The following SAMSN1 variants were observed in gnomAD, a reference collection of about 807,000 sequenced individuals.
SAMSN1 encodes SAM domain-containing protein SAMSN-1.
SAMSN1 carries 31 observed loss-of-function variants against 42.0 expected under a neutral mutation model. The observed-to-expected ratio is 0.74, with a 90% CI of 0.55 to 1.00. The LOEUF is 1.00. SAMSN1 is among the 50% of genes least tolerant of loss of function. The probability of loss-of-function intolerance (pLI) is 0.00; values close to 1 mark genes in which losing one functional copy is unlikely to be tolerated. For missense variants in SAMSN1, 464 were observed against 439.4 expected (o/e 1.06, Z -0.50); for synonymous variants, 178 against 151.9 (o/e 1.17, Z -1.26).
chr21:14,544,563 C>G (rs1286358562), intron 1 of SAMSN1, among the ~76,000 whole-genome samples: 2 of 152,146 alleles, frequency 1.3e-5, no homozygotes, highest in Non-Finnish European at 2.9e-5. Flanking sequence ...AACCATCTGT[C>G]TAATGAAAAT....
At chr21:14,507,071 C>T (rs1047631198) in intron 5 of SAMSN1, among the ~76,000 whole-genome samples, 1 of 152,116 alleles carries the variant, frequency 6.6e-6, no homozygotes, top group African/African-American at 2.4e-5. Context: ...TATGACAAAC[C>T]CACAGTCAAC....
intron 2 of SAMSN1, among the ~76,000 whole-genome samples, chr21:14,576,440 A>G (rs1431436144): frequency 6.6e-6 from 1 of 152,196 alleles, no homozygotes; most frequent in Non-Finnish European, 1.5e-5. Flanking sequence ...TCTGTCTCCC[A>G]GAGACCTCTG....
chr21:14,521,275 C>T (rs1338111666), intron 1 of SAMSN1, 54 bp from the exon 2 acceptor site: 3 of 1,163,682 alleles, frequency 2.6e-6, no homozygotes, highest in Non-Finnish European at 3.8e-6. Flanking sequence ...TTTCACTGTC[C>T]AAACTGATAA....
At chr21:14,565,297 A>C (rs1981079729) in intron 2 of SAMSN1, among the ~76,000 whole-genome samples, 1 of 151,806 alleles carries the variant, frequency 6.6e-6, no homozygotes, top group Non-Finnish European at 1.5e-5. Context: ...AAAAAAAAAA[A>C]AAAAAACATG....
At chr21:14,541,132 G>T (rs923452258) in intron 1 of SAMSN1, among the ~76,000 whole-genome samples, 2 of 149,004 alleles carry the variant, frequency 1.3e-5, no homozygotes, top group Non-Finnish European at 3.0e-5. Flanking sequence ...GGCCTGTTGT[G>T]GGGTTGGGGG....
At chr21:14,612,077 C>CA (rs1982724065) in intron 4 of SAMSN1, among the ~76,000 whole-genome samples, 1 of 152,032 alleles carries the variant, frequency 6.6e-6, no homozygotes, top group South Asian at 2.1e-4. Context: ...ACTAAAAATA[C>CA]AAAAAATTAG....
intron 2 of SAMSN1, among the ~76,000 whole-genome samples, chr21:14,563,811 T>C (rs57494254): frequency 0.067 from 10,219 of 152,268 alleles, 548 homozygotes; most frequent in African/African-American, 0.15. Context: ...TATAAAATAC[T>C]TGGAAGGAGC....
upstream of SAMSN1, among the ~76,000 whole-genome samples, chr21:14,584,111 G>A (rs1789840581): frequency 2.0e-5 from 3 of 152,072 alleles, no homozygotes; most frequent in African/African-American, 7.2e-5. Context: ...TCTTTGCAGT[G>A]TAATATAGAT....
At chr21:14,500,231 A>G (rs1987089029) in intron 6 of SAMSN1, among the ~76,000 whole-genome samples, 2 of 151,738 alleles carry the variant, frequency 1.3e-5, no homozygotes, top group African/African-American at 2.4e-5. Flanking sequence ...TCGTTTAGAC[A>G]TTTTCTTAGG....
chr21:14,586,598 T>C (rs778756801), upstream of SAMSN1, among the ~76,000 whole-genome samples: 38 of 152,130 alleles, frequency 2.5e-4, no homozygotes, highest in Non-Finnish European at 1.2e-4. Context: ...TGACAGGCGA[T>C]AAACATATAA....
At chr21:14,572,898 A>G (rs1229529523) in intron 2 of SAMSN1, among the ~76,000 whole-genome samples, 1 of 152,190 alleles carries the variant, frequency 6.6e-6, no homozygotes, top group Non-Finnish European at 1.5e-5. Flanking sequence ...TCAGCTTAAA[A>G]TCCTGCTCTG....
intron 5 of SAMSN1, among the ~76,000 whole-genome samples, chr21:14,605,054 A>G (rs1982530267): frequency 6.6e-6 from 1 of 152,276 alleles, no homozygotes; most frequent in Non-Finnish European, 1.5e-5. Flanking sequence ...AAAATATGCC[A>G]TCCAGCATAA....
In SAMSN1 at chr21:14,500,455, C is replaced by G. The variant is rs1371749215; in HGVS notation, c.768+74G>C. On this transcript the variant is annotated intron_variant, in intron 6 of 7. Coordinates refer to ENST00000400566, the MANE Select transcript of SAMSN1 (RefSeq NM_022136.5). ...ACTTGTATTTTTAAGCAATGCAACA[C>G]AAATACTGATCCACTCCCTTCGGTG... 4 of 1,285,438 alleles carry G rather than the reference C, an allele frequency of 3.1e-6. No homozygotes were observed. The African/African-American group carries it at 5.9e-5, about 19-fold the overall frequency. The allele number at this position is 1,285,438 out of a possible 1,614,324, so 79.6% of individuals were successfully genotyped here. A position where few individuals can be genotyped will look rare whatever the true frequency, so the allele number is the denominator to read the frequency against.
upstream of SAMSN1, among the ~76,000 whole-genome samples, chr21:14,585,787 A>G (rs913373201): frequency 3.9e-5 from 6 of 152,226 alleles, no homozygotes; most frequent in African/African-American, 1.4e-4. Context: ...TGTTTTATAT[A>G]CAAAATGGAG....
In SAMSN1 at chr21:14,516,919, C is replaced by T; in HGVS notation, c.252G>A (p.Lys84=). 1 of 1,611,562 alleles carries T rather than the reference C, an allele frequency of 6.2e-7. No homozygotes were observed. Among genetic ancestry groups the T allele is most frequent in the Non-Finnish European group, 8.5e-7 (1 of 1,179,032 alleles). The change falls in exon 3 of 8, where the codon AAG becomes AAA. Residue 84 remains lysine (K), a synonymous_variant. Transcript: ENST00000400566. Reference sequence around the variant, plus strand: ...TTTCCTCAGAAAGGGCTTTGATGTACTTTTTACCCACTTTTTTCTTCATTG... The same window carrying T: ...TTTCCTCAGAAAGGGCTTTGATGTATTTTTTACCCACTTTTTTCTTCATTG... ...SWTMKKKVGK[K]YIKALSEEKD...
intron 2 of SAMSN1, among the ~76,000 whole-genome samples, chr21:14,581,684 A>G (rs1376192047): frequency 1.3e-5 from 2 of 151,994 alleles, no homozygotes; most frequent in Non-Finnish European, 2.9e-5. Context: ...TTAAGGTAAT[A>G]TTTCATAATG....
intron 5 of SAMSN1, among the ~76,000 whole-genome samples, chr21:14,509,470 G>A (rs897743200): frequency 1.3e-5 from 2 of 152,008 alleles, no homozygotes; most frequent in Admixed American, 6.5e-5. Context: ...TTGGGTGATG[G>A]GTCTCACAAA....
chr21:14,539,884 C>T (rs1363517416), intron 1 of SAMSN1, among the ~76,000 whole-genome samples: 1 of 152,212 alleles, frequency 6.6e-6, no homozygotes, highest in African/African-American at 2.4e-5. Flanking sequence ...CGCTACCTGA[C>T]TTCAAACTAT....
intron 2 of SAMSN1, among the ~76,000 whole-genome samples, chr21:14,569,327 T>G (rs960684395): frequency 1.3e-5 from 2 of 152,082 alleles, no homozygotes; most frequent in Non-Finnish European, 2.9e-5. Flanking sequence ...AAAAGTTACT[T>G]CTTCTGAAAA....
Sources: gnomAD v4.1 joint callset for allele counts (sites outside exome capture counted in the v4.1 genomes callset) on GRCh38, gnomAD v4.1.1 for gene constraint, MANE v1.5 for transcripts, NCBI Gene and HGNC (gene_info 2026-07-23, HGNC 2026-07-21) for gene names.